Variants in EBF1 observed in about 807,000 individuals in gnomAD.
The protein encoded by EBF1 is EBF transcription factor 1, also known as transcription factor COE1.
Under a neutral mutation model 68.4 loss-of-function variants are expected in EBF1, and 10 were observed. The observed-to-expected ratio is 0.15, with a 90% CI of 0.09 to 0.25. The LOEUF (loss-of-function observed/expected upper bound fraction) is 0.25. Among genes scored for constraint, EBF1 ranks in the 10% least tolerant of loss-of-function variants. The probability of loss-of-function intolerance (pLI) is 1.00; values close to 1 mark genes in which losing one functional copy is unlikely to be tolerated. For synonymous variants in EBF1, 298 were observed against 299.8 expected (o/e 0.99, Z 0.06); for missense variants, 509 against 794.4 (o/e 0.64, Z 4.32).
At chr5:159,091,260 G>A (rs1336257534) in intron 4 of EBF1, among the ~76,000 whole-genome samples, 5 of 152,152 alleles carry the variant, frequency 3.3e-5, no homozygotes, top group African/African-American at 1.2e-4. Flanking sequence ...GAAGTACTAG[G>A]CCATCTGGCT....
At chr5:159,084,297 C>T (rs1444746835) in intron 5 of EBF1, among the ~76,000 whole-genome samples, 1 of 152,120 alleles carries the variant, frequency 6.6e-6, no homozygotes, top group Non-Finnish European at 1.5e-5. Flanking sequence ...ACTCTGCTGA[C>T]ATCAATAGAA....
At chr5:159,097,158 G>T in intron 1 of EBF1, 28 bp from the exon 2 acceptor site, 1 of 1,606,640 alleles carries the variant, frequency 6.2e-7, no homozygotes. Context: ...GAGTTAGATG[G>T]CTAAACCGGA....
chr5:159,055,140 A>G (rs1379583532), intron 6 of EBF1, among the ~76,000 whole-genome samples: 1 of 152,188 alleles, frequency 6.6e-6, no homozygotes, highest in African/African-American at 2.4e-5. Flanking sequence ...TTGATTGAGA[A>G]TATTGTTGGT....
chr5:158,863,103 T>A, intron 6 of EBF1, among the ~76,000 whole-genome samples: 1 of 152,214 alleles, frequency 6.6e-6, no homozygotes, highest in East Asian at 1.9e-4. Flanking sequence ...ATCCTTTATG[T>A]TCCTTTATGC....
At chr5:158,866,793 A>G (rs750527378) in intron 6 of EBF1, among the ~76,000 whole-genome samples, 2 of 145,268 alleles carry the variant, frequency 1.4e-5, no homozygotes, top group African/African-American at 2.6e-5. Context: ...TATAAACTAT[A>G]CACTGGGGAC....
At chr5:158,891,400 A>C (rs984021059) in intron 6 of EBF1, among the ~76,000 whole-genome samples, 1 of 152,008 alleles carries the variant, frequency 6.6e-6, no homozygotes, top group Non-Finnish European at 1.5e-5. Context: ...CTTTTTATTG[A>C]TATATATGTG....
intron 6 of EBF1, among the ~76,000 whole-genome samples, chr5:158,918,525 G>A (rs1186993167): frequency 6.6e-6 from 1 of 152,214 alleles, no homozygotes; most frequent in Non-Finnish European, 1.5e-5. Flanking sequence ...ATTAGTAAGA[G>A]ATAAAGAGAT....
intron 6 of EBF1, among the ~76,000 whole-genome samples, chr5:158,891,407 T>C (rs770065689): frequency 6.6e-6 from 1 of 152,130 alleles, no homozygotes. Context: ...TTGATATATA[T>C]GTGTATTTTT....
intron 9 of EBF1, among the ~76,000 whole-genome samples, chr5:158,792,417 T>C (rs553895482): frequency 6.6e-6 from 1 of 152,188 alleles, no homozygotes; most frequent in Non-Finnish European, 1.5e-5. Context: ...AACTACTCAT[T>C]GGCAGAAGAT....
intron 6 of EBF1, among the ~76,000 whole-genome samples, chr5:159,061,204 T>C (rs1775743331): frequency 6.6e-6 from 1 of 152,136 alleles, no homozygotes; most frequent in Admixed American, 6.5e-5. Flanking sequence ...CACTGCTGAT[T>C]TGGGGTTTGC....
At chr5:158,711,978 C>A (rs976051772) in intron 14 of EBF1, among the ~76,000 whole-genome samples, 176 bp downstream of exon 14, 2 of 152,188 alleles carry the variant, frequency 1.3e-5, no homozygotes, top group Admixed American at 1.3e-4. Context: ...CACTGGAGAG[C>A]GGAGATTCCT....
intron 10 of EBF1, among the ~76,000 whole-genome samples, chr5:158,747,992 G>A (rs1047343745): frequency 3.9e-5 from 6 of 152,170 alleles, no homozygotes; most frequent in African/African-American, 2.4e-5. Context: ...TGCCCCTGTG[G>A]AAGCATTTAG....
intron 6 of EBF1, among the ~76,000 whole-genome samples, chr5:158,908,344 G>A (rs1340194501): frequency 2.0e-5 from 3 of 152,158 alleles, no homozygotes; most frequent in Admixed American, 6.5e-5. Context: ...GTTCACAAAA[G>A]GTATTGCCAC....
At chr5:158,750,272 T>A (rs1768519531) in intron 10 of EBF1, among the ~76,000 whole-genome samples, 2 of 152,296 alleles carry the variant, frequency 1.3e-5, no homozygotes, top group African/African-American at 4.8e-5. Context: ...AGGAGAGCTG[T>A]TCCCAGTGGG....
Position 158,761,962 on chromosome 5 carries a change from CAT to C in EBF1, c.1036+15449_1036+15450del, listed in dbSNP as rs531258116. ...TTAAACAACAATGTGCTTCTTGTAACATGTACTTAATAATGCAATAAACTATT... is the reference window on the plus strand; with the variant it reads ...TTAAACAACAATGTGCTTCTTGTAACGTACTTAATAATGCAATAAACTATT... On this transcript the variant is annotated intron_variant, in intron 10 of 15. Transcript: ENST00000313708. Among the ~76,000 whole-genome samples, 284 of 152,240 alleles carry C rather than the reference CAT, an allele frequency of 1.9e-3. 2 individuals carry two copies. Among genetic ancestry groups the C allele is most frequent in the African/African-American group, 6.6e-3 (276 of 41,544 alleles).
At chr5:158,853,566 A>C (rs1253789227) in intron 6 of EBF1, among the ~76,000 whole-genome samples, 2 of 152,160 alleles carry the variant, frequency 1.3e-5, no homozygotes, top group African/African-American at 4.8e-5. Flanking sequence ...GGTGGGGAGG[A>C]GAGAAGGTAA....
At chr5:158,753,023 C>T (rs924823581) in intron 10 of EBF1, among the ~76,000 whole-genome samples, 7 of 151,940 alleles carry the variant, frequency 4.6e-5, no homozygotes, top group East Asian at 1.9e-4. Context: ...AGTTTGTTTT[C>T]GCTCGCTCAA....
At chr5:158,902,894 G>A (rs952171394) in intron 6 of EBF1, among the ~76,000 whole-genome samples, 4 of 152,204 alleles carry the variant, frequency 2.6e-5, no homozygotes, top group African/African-American at 9.6e-5. Flanking sequence ...TCTTTGACAG[G>A]TGCGGTTAGA....
intron 6 of EBF1, among the ~76,000 whole-genome samples, chr5:159,013,382 G>T (rs1237029370): frequency 6.6e-6 from 1 of 152,156 alleles, no homozygotes; most frequent in Non-Finnish European, 1.5e-5. Flanking sequence ...GTCTCTGAAG[G>T]ACACAGGCCC....
Sources: gnomAD v4.1 joint callset for allele counts (sites outside exome capture counted in the v4.1 genomes callset) on GRCh38, gnomAD v4.1.1 for gene constraint, MANE v1.5 for transcripts, NCBI Gene and HGNC (gene_info 2026-07-23, HGNC 2026-07-21) for gene names.